GINS3: variants seen among roughly 807,000 people sequenced by gnomAD.
The protein encoded by GINS3 is DNA replication complex GINS protein PSF3.
In GINS3, 18 loss-of-function variants were observed where a neutral mutation model predicts 20.0. The observed-to-expected ratio is 0.90, with a 90% CI of 0.62 to 1.33. GINS3 has a LOEUF of 1.33. GINS3 is among the 40% of genes most tolerant of loss of function. The probability of loss-of-function intolerance (pLI) is 0.00; values close to 1 mark genes in which losing one functional copy is unlikely to be tolerated. For missense variants in GINS3, 254 were observed against 273.6 expected, an observed-to-expected ratio of 0.93 and a Z score of 0.51; for synonymous variants, 109 against 107.0, an observed-to-expected ratio of 1.02 and a Z score of -0.12.
At position 58,398,716 on chromosome 16, in the gene GINS3, GAAGACTA is replaced by G. The variant is rs1393163420; in HGVS notation, c.187-4381_187-4375del. On this transcript the variant is annotated intron_variant, in intron 1 of 2. Transcript: ENST00000318129. ...TTCTTTTTTGACCTGTAGGTATTTA[GAAGACTA>G]GTGCTTAATTTCAAACATTTTGAGA... Among the ~76,000 whole-genome samples the G allele has an allele frequency of 1.1e-3, 174 of 152,284 alleles. No individual in the cohort carries two copies. The Middle Eastern group carries it at 0.014, about 12-fold the overall frequency.
rs1156238385 is a variant in GINS3, at chr16:58,403,261, A to G, written c.350A>G (p.Tyr117Cys). 1.2e-6 allele frequency: 2 copies of G among 1,614,010 alleles called. No homozygotes were observed. The highest frequency in any genetic ancestry group is 1.7e-5 in the Admixed American group (1 of 59,978). ...VDLHKMGPHF[Y>C]GFGSQLLHFD... ...CTCCACAAAATGGGGCCCCATTTCT[A>G]CGGGTTTGGCTCCCAGCTCCTGCAT... Residue 117 changes from tyrosine (Y) to cysteine (C), a missense_variant, in exon 2 of 3, where the codon TAC (tyrosine) becomes TGC (cysteine). Coordinates refer to ENST00000318129, the MANE Select transcript of GINS3 (RefSeq NM_022770.4).
At chr16:58,403,846 G>A (rs145453393) in intron 2 of GINS3, 1 of 160,792 alleles carries the variant, frequency 6.2e-6, no homozygotes, top group Admixed American at 5.8e-5. Context: ...GAGTTATTGG[G>A]TTGTTTCCTT....
At chr16:58,400,748 A>G (rs888721546) in intron 1 of GINS3, among the ~76,000 whole-genome samples, 1 of 151,978 alleles carries the variant, frequency 6.6e-6, no homozygotes, top group Non-Finnish European at 1.5e-5. Context: ...CTTTTAGCAC[A>G]TAAAAAAAAA....
In GINS3 at chr16:58,392,750, G is replaced by T. The variant is rs374002916; in HGVS notation, c.149G>T (p.Arg50Leu). The T allele has an allele frequency of 6.2e-7, 1 of 1,613,174 alleles. No homozygotes were observed. The highest frequency in any genetic ancestry group is 8.5e-7 in the Non-Finnish European group (1 of 1,179,876). ...MPRLGAFFLERSAGAETDNAV... is the reference protein window; with the variant it reads ...MPRLGAFFLELSAGAETDNAV... Reference sequence around the variant, plus strand: ...CGCCTTGGCGCTTTCTTCCTGGAGCGGAGCGCAGGCGCCGAGACTGACAAC... The same window carrying T: ...CGCCTTGGCGCTTTCTTCCTGGAGCTGAGCGCAGGCGCCGAGACTGACAAC... Residue 50 changes from arginine to leucine, a missense_variant, in exon 1 of 3, where the codon CGG (arginine) becomes CTG (leucine). By Grantham distance (102) the Arg-to-Leu change is moderately radical (BLOSUM62 -2). Transcript: ENST00000318129.
chr16:58,398,278 A>C (rs980554779), intron 1 of GINS3, among the ~76,000 whole-genome samples: 4 of 152,114 alleles, frequency 2.6e-5, no homozygotes, highest in African/African-American at 4.8e-5. Flanking sequence ...GCGTTTCATA[A>C]GTTTTGATGT....
intron 2 of GINS3, 186 bp downstream of exon 2, chr16:58,403,517 A>ACACACACT: frequency 1.8e-6 from 1 of 568,774 alleles, no homozygotes; most frequent in Non-Finnish European, 3.1e-6. Context: ...ACACACACAC[A>ACACACACT]CACATTTTTT....
rs544363746 is a variant in GINS3 at position 58,395,484 on chromosome 16, G to A, written c.186+2697G>A. Among the ~76,000 whole-genome samples, 628 of 151,672 alleles carry A rather than the reference G, an allele frequency of 4.1e-3. 7 individuals are homozygous for A. Among genetic ancestry groups the A allele is most frequent in the African/African-American group, 0.013 (534 of 41,426 alleles). On this transcript the variant is annotated intron_variant, in intron 1 of 2. Transcript: ENST00000318129. ...TAGGCAGAGGACCCTGCGGCCTTCC[G>A]CAGTGTTTGTGTCCCTGGGTACTTG...
At position 58,397,969 on chromosome 16, in the gene GINS3, G is replaced by T. The variant is rs563339761; in HGVS notation, c.187-5129G>T. Among the ~76,000 whole-genome samples, 213 of 152,170 alleles carry T rather than the reference G, an allele frequency of 1.4e-3. 1 individual carries two copies. The highest frequency in any genetic ancestry group is 4.9e-3 in the African/African-American group (204 of 41,506). On this transcript the variant is annotated intron_variant, in intron 1 of 2. Coordinates refer to ENST00000318129, the MANE Select transcript of GINS3 (RefSeq NM_022770.4). ...TTTATTTTTAATATCAATAAATTGT[G>T]TTCTCCCTTTCTTGATTACCCTTGC...
chr16:58,395,242 A>C (rs1465627906), intron 1 of GINS3: 1 of 361,156 alleles, frequency 2.8e-6, no homozygotes, highest in East Asian at 3.7e-5. Flanking sequence ...TGTCCAGCTA[A>C]TTTTTGTATT....
At chr16:58,401,494 A>G (rs1404721768) in intron 1 of GINS3, among the ~76,000 whole-genome samples, 1 of 152,134 alleles carries the variant, frequency 6.6e-6, no homozygotes, top group Non-Finnish European at 1.5e-5. Context: ...TCCATTTTAC[A>G]GAGAGCTGAT....
chr16:58,398,583 C>G (rs1965914700), intron 1 of GINS3, among the ~76,000 whole-genome samples: 1 of 152,048 alleles, frequency 6.6e-6, no homozygotes, highest in South Asian at 2.1e-4. Context: ...GCACTCCAGC[C>G]TAGATGACAC....
chr16:58,398,463 G>A (rs1449938882), intron 1 of GINS3, among the ~76,000 whole-genome samples: 5 of 152,076 alleles, frequency 3.3e-5, no homozygotes, highest in East Asian at 1.9e-4. Context: ...TTTTAAAAAA[G>A]CCGAGCATGG....
rs775808462 is a variant in GINS3 at position 58,404,718 on chromosome 16, A to T, written c.640A>T (p.Met214Leu). 6.2e-6 allele frequency: 10 copies of T among 1,613,154 alleles called. No individual in the cohort carries two copies. The highest frequency in any genetic ancestry group is 8.5e-6 in the Non-Finnish European group (10 of 1,179,238). Residue 214 changes from methionine to leucine, a missense_variant, in exon 3 of 3, where the codon ATG becomes TTG. Met to Leu is a conservative substitution (Grantham distance 15). Coordinates refer to ENST00000318129, the MANE Select transcript of GINS3 (RefSeq NM_022770.4). ...QNYKKRKFTD[M>L]ED Reference sequence around the variant, plus strand: ...TTACAAGAAGAGAAAATTCACTGATATGGAAGACTGAAAGCCGGAAGAACA... The same window carrying T: ...TTACAAGAAGAGAAAATTCACTGATTTGGAAGACTGAAAGCCGGAAGAACA...
At chr16:58,397,967 G>A (rs1453852237) in intron 1 of GINS3, among the ~76,000 whole-genome samples, 3 of 152,102 alleles carry the variant, frequency 2.0e-5, no homozygotes, top group African/African-American at 7.2e-5. Flanking sequence ...TCAATAAATT[G>A]TGTTCTCCCT....
At chr16:58,396,674 C>A (rs1332324774) in intron 1 of GINS3, among the ~76,000 whole-genome samples, 1 of 117,918 alleles carries the variant, frequency 8.5e-6, no homozygotes, top group African/African-American at 3.5e-5. Flanking sequence ...GCTGACCCCC[C>A]GACCTCCCTC....
rs1471719377 is a variant in GINS3 at position 58,392,548 on chromosome 16, C to T, written c.-54C>T. On this transcript the variant is annotated 5_prime_UTR_variant, in exon 1 of 3. Transcript: ENST00000318129. ...TTCCCCGTCTTGTACACCCCTAACTCCTGAGGCTCCTCCGAATCACGCGAG... is the reference window on the plus strand; with the variant it reads ...TTCCCCGTCTTGTACACCCCTAACTTCTGAGGCTCCTCCGAATCACGCGAG... 1 of 1,593,310 alleles carries T rather than the reference C, an allele frequency of 6.3e-7. No homozygotes were observed. The highest frequency in any genetic ancestry group is 8.6e-7 in the Non-Finnish European group (1 of 1,165,302).
At chr16:58,401,256 T>A (rs992161038) in intron 1 of GINS3, among the ~76,000 whole-genome samples, 2 of 152,104 alleles carry the variant, frequency 1.3e-5, no homozygotes, top group Non-Finnish European at 2.9e-5. Flanking sequence ...TTCTGGTGGG[T>A]TTGTGGTCTC....
chr16:58,404,346 C>T, intron 2 of GINS3, 153 bp from the exon 3 acceptor site: 1 of 619,434 alleles, frequency 1.6e-6, no homozygotes, highest in Non-Finnish European at 2.9e-6. Context: ...TGTGCAATAA[C>T]TTACTTGGGT....
chr16:58,400,960 G>A (rs910846411), intron 1 of GINS3, among the ~76,000 whole-genome samples: 1 of 151,820 alleles, frequency 6.6e-6, no homozygotes, highest in Admixed American at 6.6e-5. Context: ...GATTACAGGC[G>A]CCCACCACTA....
Sources: allele counts gnomAD v4.1 joint callset (sites outside exome capture counted in the v4.1 genomes callset), GRCh38; gene constraint gnomAD v4.1.1; transcripts MANE v1.5; gene names NCBI Gene and HGNC (gene_info 2026-07-23, HGNC 2026-07-21).